LDB3: variants seen among roughly 807,000 people sequenced by gnomAD.
LDB3 encodes the protein LIM domain binding 3, also known as LIM domain-binding protein 3.
Under a neutral mutation model 69.0 loss-of-function variants are expected in LDB3, and 49 were observed. That is an observed-to-expected ratio of 0.71 (90% CI 0.56 to 0.90). The LOEUF is 0.90. Among genes scored for constraint, LDB3 ranks in the 40% least tolerant of loss-of-function variants. The pLI is 0.00. For missense variants in LDB3, 928 were observed against 974.1 expected (o/e 0.95, Z 0.63); for synonymous variants, 387 against 396.2 (o/e 0.98, Z 0.28).
Position 86,735,279 on chromosome 10 carries a change from A to C in LDB3, c.*2303A>C, listed in dbSNP as rs1269447064. ...AAAAAAACAAAAAAACAAAAAAAAA[A>C]CCACTTAAAAGGTAGCAGGAAAAGA... On this transcript the variant is annotated 3_prime_UTR_variant, in exon 14 of 14. Transcript: ENST00000361373. The C allele has an allele frequency of 6.6e-6, 1 of 151,844 alleles. No individual in the cohort carries two copies. The allele number at this position is 151,844 out of a possible 1,614,324, so 9.4% of individuals were successfully genotyped here. A position where few individuals can be genotyped will look rare whatever the true frequency, so the allele number is the denominator to read the frequency against.
Position 86,692,127 on chromosome 10 carries a change from TG to T in LDB3, c.859+65del. Reference sequence around the variant, plus strand: ...AGATGCTGAGGGGCCACCAGGGACCTGGGCCCAGCACTGCAGAAGCCAGGGA... The same window carrying T: ...AGATGCTGAGGGGCCACCAGGGACCTGGCCCAGCACTGCAGAAGCCAGGGA... On this transcript the variant is annotated intron_variant, in intron 6 of 13. Coordinates refer to ENST00000361373, the MANE Select transcript of LDB3 (RefSeq NM_007078.3). 1.9e-6 allele frequency: 3 copies of T among 1,588,272 alleles called. No individual in the cohort carries two copies. The Admixed American group carries it at 5.1e-5, about 27-fold the overall frequency.
intron 9 of LDB3, 163 bp downstream of exon 9, chr10:86,710,213 T>C (rs1846594268): frequency 2.9e-5 from 29 of 985,272 alleles, no homozygotes; most frequent in Non-Finnish European, 3.5e-5. Context: ...GTCAGAATCC[T>C]ATGGAGCCTG....
chr10:86,725,426 A>G (rs1276473731), intron 12 of LDB3, among the ~76,000 whole-genome samples: 2 of 152,336 alleles, frequency 1.3e-5, no homozygotes, highest in South Asian at 2.1e-4. Context: ...TGATTGGTTA[A>G]TGCATTCATT....
intron 6 of LDB3, 53 bp downstream of exon 6, chr10:86,692,118 C>G: frequency 6.2e-7 from 1 of 1,600,002 alleles, no homozygotes. Context: ...TGAGGGGCCA[C>G]CAGGGACCTG....
intron 2 of LDB3, among the ~76,000 whole-genome samples, chr10:86,676,733 C>T (rs10788525): frequency 0.47 from 72,060 of 152,124 alleles, 17,490 homozygotes; most frequent in East Asian, 0.73. Context: ...GCAGAAACAA[C>T]TCAGTTCCTG....
chr10:86,732,003 C>CTTTTTTTTTTTTTTTTTTTT (rs755552822), intron 13 of LDB3, among the ~76,000 whole-genome samples: 2 of 123,232 alleles, frequency 1.6e-5, no homozygotes, highest in Non-Finnish European at 1.7e-5. Flanking sequence ...TTCTTTCTTT[C>CTTTTTTTTTTTTTTTTTTTT]TTTTTCTTTT....
intron 8 of LDB3, among the ~76,000 whole-genome samples, chr10:86,708,006 A>G (rs185444787): frequency 6.6e-6 from 1 of 152,350 alleles, no homozygotes; most frequent in African/African-American, 2.4e-5. Context: ...CCCAATATGA[A>G]TGGTGAGGGG....
At chr10:86,729,362 A>G (rs950755923) in intron 13 of LDB3, among the ~76,000 whole-genome samples, 2 of 152,190 alleles carry the variant, frequency 1.3e-5, no homozygotes, top group African/African-American at 4.8e-5. Flanking sequence ...TTGAGTTCCA[A>G]TGGAAAGGGT....
rs781026398 is a variant in LDB3 at position 86,679,447 on chromosome 10, C to T, written c.174C>T (p.Asp58=). ...TGGCCATTGACGGCGTCAACACAGA[C>T]ACCATGACCCACCTGGAAGCCCAGA... ...LVVAIDGVNT[D]TMTHLEAQNK... is the part of the protein sequence containing the mutation. The change falls in exon 3 of 14, where the codon GAC becomes GAT. Residue 58 remains aspartate, a synonymous_variant. Coordinates refer to ENST00000361373, the MANE Select transcript of LDB3 (RefSeq NM_007078.3). 2 of 1,614,024 alleles carry T rather than the reference C, an allele frequency of 1.2e-6. No homozygotes were observed. Among genetic ancestry groups the T allele is most frequent in the African/African-American group, 1.3e-5 (1 of 74,924 alleles).
At chr10:86,681,415 G>A (rs1224325496) in intron 4 of LDB3, 21 bp from the exon 5 acceptor site, 1 of 1,599,502 alleles carries the variant, frequency 6.3e-7, no homozygotes, top group Middle Eastern at 1.9e-4. Context: ...TCTCTCCCCT[G>A]CATGGCCTGC....
chr10:86,709,214 C>T (rs1434730660), intron 8 of LDB3, among the ~76,000 whole-genome samples: 1 of 152,206 alleles, frequency 6.6e-6, no homozygotes, highest in Non-Finnish European at 1.5e-5. Context: ...GAGGCCACGA[C>T]GCACAGACTC....
chr10:86,706,320 C>G (rs1259366463), intron 7 of LDB3, among the ~76,000 whole-genome samples: 2 of 152,208 alleles, frequency 1.3e-5, no homozygotes, highest in Admixed American at 6.5e-5. Flanking sequence ...CTGGAACCCT[C>G]CTGTGGTCTG....
At chr10:86,697,077 G>A (rs183192594) in intron 7 of LDB3, among the ~76,000 whole-genome samples, 4 of 152,308 alleles carry the variant, frequency 2.6e-5, no homozygotes, top group African/African-American at 9.6e-5. Flanking sequence ...GTGCAGAACC[G>A]AGGACCTCTG....
intron 8 of LDB3, 127 bp from the exon 9 acceptor site, chr10:86,709,778 T>C: frequency 9.9e-7 from 1 of 1,012,908 alleles, no homozygotes; most frequent in East Asian, 2.5e-5. Flanking sequence ...TTCTGGCAGT[T>C]CCCCAGAAAT....
In LDB3 at chr10:86,716,653, G is replaced by T. The variant is rs890074416; in HGVS notation, c.1558G>T (p.Ala520Ser). Reference sequence around the variant, plus strand: ...GCAGACCCTGCCCCGGGGAGGCCCAGCCTACACCCCAGCGGGTCCTCAGGT... The same window carrying T: ...GCAGACCCTGCCCCGGGGAGGCCCATCCTACACCCCAGCGGGTCCTCAGGT... Reference protein sequence around the residue: ...SKQTLPRGGPAYTPAGPQVPP... With the variant: ...SKQTLPRGGPSYTPAGPQVPP... Residue 520 changes from alanine to serine, a missense_variant, in exon 10 of 14, where the codon GCC (alanine) becomes TCC (serine). Transcript: ENST00000361373. 1 of 1,613,844 alleles carries T rather than the reference G, an allele frequency of 6.2e-7. No individual in the cohort carries two copies. Among genetic ancestry groups the T allele is most frequent in the Non-Finnish European group, 8.5e-7 (1 of 1,179,990 alleles).
intron 12 of LDB3, among the ~76,000 whole-genome samples, chr10:86,722,642 A>G (rs1251844575): frequency 7.9e-6 from 1 of 126,882 alleles, no homozygotes; most frequent in Non-Finnish European, 1.6e-5. Context: ...ATCTTGACTC[A>G]CTGCAACCTC....
Position 86,681,578 on chromosome 10 carries a change from T to G in LDB3, c.464T>G (p.Leu155Arg). Residue 155 changes from leucine to arginine, a missense_variant, in exon 5 of 14, where the codon CTC becomes CGC. Physicochemically the swap from Leu to Arg is moderately radical, Grantham distance 102. Transcript: ENST00000361373. ...TCCCGGCCCTCCGCCTTCTCCTCAC[T>G]CGCCGAGGCCTCTGACCCTGGCCCT... ...AFSRPSAFSS[L>R]AEASDPGPPR... The G allele has an allele frequency of 6.2e-7, 1 of 1,612,810 alleles. No homozygotes were observed. Among genetic ancestry groups the G allele is most frequent in the Non-Finnish European group, 8.5e-7 (1 of 1,179,734 alleles).
intron 2 of LDB3, among the ~76,000 whole-genome samples, chr10:86,677,699 ACTGGCCC>A (rs1182548246): frequency 6.6e-6 from 1 of 152,114 alleles, no homozygotes; most frequent in Non-Finnish European, 1.5e-5. Context: ...GGGTTTGGGA[ACTGGCCC>A]CCGCACCTGC....
At chr10:86,684,023 A>G (rs1845309636) in intron 5 of LDB3, among the ~76,000 whole-genome samples, 1 of 152,222 alleles carries the variant, frequency 6.6e-6, no homozygotes, top group East Asian at 1.9e-4. Flanking sequence ...TCTGGCTCCA[A>G]AAAGAAGCCC....
Sources: gnomAD v4.1 joint callset for allele counts (sites outside exome capture counted in the v4.1 genomes callset) on GRCh38, gnomAD v4.1.1 for gene constraint, MANE v1.5 for transcripts, NCBI Gene and HGNC (gene_info 2026-07-23, HGNC 2026-07-21) for gene names.